The following PPM1L variants were observed in gnomAD, a reference collection of about 807,000 sequenced individuals.
PPM1L encodes protein phosphatase 1L.
PPM1L carries 13 observed loss-of-function variants against 31.4 expected under a neutral mutation model. That is an observed-to-expected ratio of 0.41 (90% CI 0.27 to 0.66). The LOEUF is 0.66. Ranked by LOEUF, PPM1L falls within the 30% of genes least tolerant of loss-of-function variation. The pLI, the probability that PPM1L is intolerant of heterozygous loss-of-function variation, is 0.29. For missense variants in PPM1L, 326 were observed against 453.7 expected (o/e 0.72, Z 2.56); for synonymous variants, 184 against 175.4 (o/e 1.05, Z -0.39).
intron 1 of PPM1L, among the ~76,000 whole-genome samples, chr3:160,937,346 C>CGTG (rs1020955849): frequency 2.4e-4 from 36 of 152,256 alleles, no homozygotes; most frequent in African/African-American, 8.7e-4. Context: ...AGAGGCCAGG[C>CGTG]GTGGTGGCTC....
rs138592441 is a variant in PPM1L at position 160,769,589 on chromosome 3, C to G, written c.399+12882C>G. On this transcript the variant is annotated intron_variant, in intron 1 of 3. Coordinates refer to ENST00000498165, the MANE Select transcript of PPM1L (RefSeq NM_139245.4). ...GTGTGAACTAGTGATCAGGAGGGGT[C>G]TGAGTGTTTGGAGAACAACAAGGTG... Among the ~76,000 whole-genome samples, 82 of 151,260 alleles carry G rather than the reference C, an allele frequency of 5.4e-4. No homozygotes were observed. The East Asian group carries it at 0.012, about 21-fold the overall frequency.
At chr3:160,838,010 A>G (rs1234868207) in intron 1 of PPM1L, among the ~76,000 whole-genome samples, 2 of 152,186 alleles carry the variant, frequency 1.3e-5, no homozygotes, top group African/African-American at 4.8e-5. Context: ...GTTTAGGTTC[A>G]TGGGGTAGAA....
At chr3:160,961,141 TTTTGTTTG>T (rs533073172) in intron 1 of PPM1L, among the ~76,000 whole-genome samples, 24 of 151,990 alleles carry the variant, frequency 1.6e-4, no homozygotes, top group South Asian at 1.0e-3. Flanking sequence ...AGAGGTTTGG[TTTTGTTTG>T]TTTGTTTGTT....
chr3:160,972,411 C>T (rs1012936973), intron 2 of PPM1L, among the ~76,000 whole-genome samples: 3 of 147,106 alleles, frequency 2.0e-5, no homozygotes, highest in African/African-American at 7.5e-5. Flanking sequence ...CATGTGTTCT[C>T]ATTGTTCATT....
At chr3:161,035,209 T>C (rs62282277) in intron 2 of PPM1L, among the ~76,000 whole-genome samples, 6,741 of 135,962 alleles carry the variant, frequency 0.05, 201 homozygotes, top group African/African-American at 0.09. Context: ...TAAAGTATAA[T>C]TAAAAAAAAA....
At chr3:160,826,347 G>T (rs1383471744) in intron 1 of PPM1L, among the ~76,000 whole-genome samples, 1 of 152,090 alleles carries the variant, frequency 6.6e-6, no homozygotes, top group African/African-American at 2.4e-5. Context: ...TGGGGTCTTT[G>T]TTAGACCCTG....
intron 1 of PPM1L, among the ~76,000 whole-genome samples, chr3:160,915,593 C>A (rs1714140872): frequency 6.6e-6 from 1 of 152,172 alleles, no homozygotes; most frequent in Non-Finnish European, 1.5e-5. Flanking sequence ...AAGGAGCCCG[C>A]ATTGCCAAGT....
intron 1 of PPM1L, among the ~76,000 whole-genome samples, chr3:160,791,604 G>A (rs1454686301): frequency 3.9e-5 from 6 of 152,152 alleles, no homozygotes; most frequent in African/African-American, 9.7e-5. Context: ...ATCAAGGCAG[G>A]CAAGGGCCCT....
intron 1 of PPM1L, among the ~76,000 whole-genome samples, chr3:160,922,670 T>G (rs1384693064): frequency 6.6e-6 from 1 of 152,228 alleles, no homozygotes; most frequent in East Asian, 1.9e-4. Flanking sequence ...GATATCTCAG[T>G]ATCTACTTTG....
chr3:160,971,978 G>C (rs1716355822), intron 2 of PPM1L, among the ~76,000 whole-genome samples: 1 of 152,032 alleles, frequency 6.6e-6, no homozygotes, highest in South Asian at 2.1e-4. Flanking sequence ...GTGTTGTCCA[G>C]GCTGGTCTCA....
chr3:160,835,700 G>A lies in PPM1L; in HGVS notation c.399+78993G>A, dbSNP rs141492923. 5.8e-4 allele frequency among the ~76,000 whole-genome samples: 88 copies of A among 152,152 alleles called. No individual in the cohort carries two copies. In the East Asian group the frequency reaches 0.012, roughly 21 times the overall value. On this transcript the variant is annotated intron_variant, in intron 1 of 3. Coordinates refer to ENST00000498165, the MANE Select transcript of PPM1L (RefSeq NM_139245.4). ...TTTGCCTTTTTATTGTATTGACCAT[G>A]TTGCCATCCCTAGCCCTACCACTTG...
At position 160,781,988 on chromosome 3, in the gene PPM1L, A is replaced by T. The variant is rs182274364; in HGVS notation, c.399+25281A>T. Among the ~76,000 whole-genome samples the T allele has an allele frequency of 3.4e-3, 522 of 152,272 alleles. 4 individuals are homozygous for T. Among genetic ancestry groups the T allele is most frequent in the South Asian group, 0.02 (96 of 4,816 alleles). On this transcript the variant is annotated intron_variant, in intron 1 of 3. Transcript: ENST00000498165. The stretch of plus-strand genomic sequence containing the variant: ...GTTCCTTAAGATTTATTTGGTTTTT[A>T]AAGAAATTGAGATATAATTTACATG...
intron 1 of PPM1L, among the ~76,000 whole-genome samples, chr3:160,961,141 TTTTGTTTGTTTG>T (rs533073172): frequency 1.3e-5 from 2 of 151,872 alleles, no homozygotes; most frequent in African/African-American, 2.4e-5. Flanking sequence ...AGAGGTTTGG[TTTTGTTTGTTTG>T]TTTGTTTGTT....
intron 1 of PPM1L, among the ~76,000 whole-genome samples, chr3:160,915,033 ATGGCCAGTTGGAAGTTCTG>A (rs1430655899): frequency 1.3e-5 from 2 of 152,116 alleles, no homozygotes; most frequent in Non-Finnish European, 2.9e-5. Flanking sequence ...CATTTATCTG[ATGGCCAGTTGGAAGTTCTG>A]GCCAGGGCAA....
chr3:160,793,272 T>C (rs536411142), intron 1 of PPM1L, among the ~76,000 whole-genome samples: 1 of 152,222 alleles, frequency 6.6e-6, no homozygotes. Context: ...TTAAAACTTA[T>C]ATATTATTAA....
At chr3:161,031,479 G>A (rs1171955408) in intron 2 of PPM1L, among the ~76,000 whole-genome samples, 1 of 144,434 alleles carries the variant, frequency 6.9e-6, no homozygotes, top group Non-Finnish European at 1.5e-5. Context: ...TCTGACTTGT[G>A]AATGGCAGCT....
At chr3:160,974,580 G>C (rs1576754876) in intron 2 of PPM1L, among the ~76,000 whole-genome samples, 3 of 151,832 alleles carry the variant, frequency 2.0e-5, no homozygotes, top group South Asian at 4.2e-4. Flanking sequence ...GGTGTGAGAT[G>C]GTATCTCATT....
intron 1 of PPM1L, among the ~76,000 whole-genome samples, chr3:160,820,328 A>G (rs1454476672): frequency 2.6e-5 from 4 of 152,140 alleles, no homozygotes; most frequent in Non-Finnish European, 5.9e-5. Context: ...AAGCTAGAGA[A>G]TCTCAAAATT....
At chr3:160,924,827 G>A (rs1714532433) in intron 1 of PPM1L, among the ~76,000 whole-genome samples, 1 of 152,186 alleles carries the variant, frequency 6.6e-6, no homozygotes, top group Non-Finnish European at 1.5e-5. Flanking sequence ...CTTTTGCAAA[G>A]TGAACCTGAA....
Sources: allele counts gnomAD v4.1 joint callset (sites outside exome capture counted in the v4.1 genomes callset), GRCh38; gene constraint gnomAD v4.1.1; transcripts MANE v1.5; gene names NCBI Gene and HGNC (gene_info 2026-07-23, HGNC 2026-07-21).